SGCZ: variants seen among roughly 807,000 people sequenced by gnomAD.
SGCZ encodes zeta-sarcoglycan.
Under a neutral mutation model 41.3 loss-of-function variants are expected in SGCZ, and 40 were observed. That is an observed-to-expected ratio of 0.97 (90% CI 0.75 to 1.26). SGCZ has a LOEUF of 1.26. Ranked by LOEUF, SGCZ falls within the 50% of genes most tolerant of loss-of-function variation. The probability of loss-of-function intolerance (pLI) is 0.00; values close to 1 mark genes in which losing one functional copy is unlikely to be tolerated. For missense variants in SGCZ, 552 were observed against 369.8 expected, an observed-to-expected ratio of 1.49 and a Z score of -4.04; for synonymous variants, 206 against 137.5, an observed-to-expected ratio of 1.50 and a Z score of -3.49.
intron 1 of SGCZ, among the ~76,000 whole-genome samples, chr8:14,632,532 T>A (rs1428773066): frequency 6.6e-6 from 1 of 152,150 alleles, no homozygotes; most frequent in African/African-American, 2.4e-5. Context: ...GTGAAATGTG[T>A]ATCCCTACAT....
At chr8:14,381,777 C>A (rs1301626361) in intron 2 of SGCZ, among the ~76,000 whole-genome samples, 1 of 151,630 alleles carries the variant, frequency 6.6e-6, no homozygotes, top group African/African-American at 2.4e-5. Flanking sequence ...AAAAGCAAGA[C>A]CCTGTCTCAA....
At chr8:14,561,206 A>G (rs927362803) in intron 1 of SGCZ, among the ~76,000 whole-genome samples, 1 of 152,166 alleles carries the variant, frequency 6.6e-6, no homozygotes, top group East Asian at 1.9e-4. Context: ...TTAAATGTTT[A>G]ATATTGCCAT....
chr8:14,293,503 C>G (rs1053701029), intron 3 of SGCZ, among the ~76,000 whole-genome samples: 2 of 151,930 alleles, frequency 1.3e-5, no homozygotes, highest in African/African-American at 4.8e-5. Context: ...CATTCAGTTA[C>G]TTAGACTTTT....
intron 1 of SGCZ, among the ~76,000 whole-genome samples, chr8:15,031,950 TA>T (rs1334404118): frequency 6.6e-6 from 1 of 152,032 alleles, no homozygotes; most frequent in East Asian, 1.9e-4. Flanking sequence ...TCTGTCTGTC[TA>T]TATACTCCAT....
intron 1 of SGCZ, among the ~76,000 whole-genome samples, chr8:14,894,786 G>A (rs1052748839): frequency 4.6e-5 from 7 of 152,070 alleles, no homozygotes; most frequent in African/African-American, 1.4e-4. Context: ...ATAAATAAAT[G>A]AATATAAAAT....
intron 1 of SGCZ, among the ~76,000 whole-genome samples, chr8:14,571,277 C>G (rs1333876896): frequency 6.6e-6 from 1 of 152,210 alleles, no homozygotes; most frequent in Non-Finnish European, 1.5e-5. Context: ...CACCAGGTCA[C>G]TCCCTCGGCA....
chr8:14,915,058 G>C (rs1336486472), intron 1 of SGCZ, among the ~76,000 whole-genome samples: 2 of 152,110 alleles, frequency 1.3e-5, no homozygotes, highest in Admixed American at 6.6e-5. Flanking sequence ...TTTTCAGCTA[G>C]TAAAAGCTCT....
chr8:14,889,292 C>CA (rs200190975), intron 1 of SGCZ, among the ~76,000 whole-genome samples: 22,061 of 135,150 alleles, frequency 0.16, 1,855 homozygotes, highest in Admixed American at 0.25. Flanking sequence ...GAAGACTGAC[C>CA]AAAAAAAAAA....
intron 2 of SGCZ, among the ~76,000 whole-genome samples, chr8:14,474,440 T>A (rs749944329): frequency 3.9e-5 from 6 of 152,322 alleles, no homozygotes; most frequent in Admixed American, 1.3e-4. Flanking sequence ...CAGAAAGTGA[T>A]GCTAAAAATT....
At chr8:15,206,681 T>C (rs1389652277) in intron 1 of SGCZ, among the ~76,000 whole-genome samples, 4 of 152,040 alleles carry the variant, frequency 2.6e-5, no homozygotes, top group Non-Finnish European at 4.4e-5. Context: ...ACTCCTGACA[T>C]TGTGATCCAC....
intron 3 of SGCZ, among the ~76,000 whole-genome samples, chr8:14,241,489 A>T (rs185430161): frequency 6.7e-5 from 10 of 148,634 alleles, no homozygotes; most frequent in African/African-American, 2.4e-4. Context: ...AATATATAGC[A>T]TCTACATAAA....
At chr8:15,221,938 C>T (rs1486261443) in intron 1 of SGCZ, among the ~76,000 whole-genome samples, 2 of 152,312 alleles carry the variant, frequency 1.3e-5, no homozygotes, top group East Asian at 3.9e-4. Flanking sequence ...TTATCTCTGT[C>T]TGAGTCTTCA....
intron 3 of SGCZ, among the ~76,000 whole-genome samples, chr8:14,275,307 C>G (rs1800192745): frequency 6.6e-6 from 1 of 152,134 alleles, no homozygotes; most frequent in South Asian, 2.1e-4. Flanking sequence ...TTCCCTATCC[C>G]TTTTGATAAA....
intron 1 of SGCZ, among the ~76,000 whole-genome samples, chr8:14,562,383 A>T (rs189237778): frequency 1.3e-5 from 2 of 152,178 alleles, no homozygotes; most frequent in Admixed American, 6.5e-5. Flanking sequence ...CAATATGTGC[A>T]TAGAAAAATA....
intron 1 of SGCZ, among the ~76,000 whole-genome samples, chr8:15,233,461 T>A (rs991555362): frequency 3.9e-5 from 6 of 152,056 alleles, no homozygotes; most frequent in Admixed American, 1.3e-4. Context: ...ATCAATCTCT[T>A]GTTTAAATAC....
In SGCZ at chr8:14,356,809, G is replaced by C. The variant is rs182515271; in HGVS notation, c.235-32605C>G. Among the ~76,000 whole-genome samples the C allele has an allele frequency of 8.8e-3, 1,341 of 151,780 alleles. 13 individuals carry two copies. The highest frequency in any genetic ancestry group is 0.02 in the South Asian group (97 of 4,802). ...TACTAGGTAGGGCCAATAACCACTT[G>C]GTTTTTAATAAAAGTTAGCTACTTA... On this transcript the variant is annotated intron_variant, in intron 2 of 7. Transcript: ENST00000382080.
intron 1 of SGCZ, among the ~76,000 whole-genome samples, chr8:14,918,714 T>C (rs984832563): frequency 6.6e-6 from 1 of 152,220 alleles, no homozygotes; most frequent in Non-Finnish European, 1.5e-5. Context: ...TGGGGAAGTC[T>C]TCATTATTGT....
chr8:15,061,059 G>A (rs10100576), intron 1 of SGCZ, among the ~76,000 whole-genome samples: 1 of 151,862 alleles, frequency 6.6e-6, no homozygotes, highest in South Asian at 2.1e-4. Flanking sequence ...TGACCCAATC[G>A]TTGTTCCCTA....
intron 2 of SGCZ, among the ~76,000 whole-genome samples, chr8:14,406,683 G>A (rs1056105360): frequency 2.0e-5 from 3 of 150,044 alleles, no homozygotes; most frequent in African/African-American, 7.5e-5. Flanking sequence ...GTTTACCATT[G>A]CCAGGGCAAT....
Sources: allele counts gnomAD v4.1 joint callset (sites outside exome capture counted in the v4.1 genomes callset), GRCh38; gene constraint gnomAD v4.1.1; transcripts MANE v1.5; gene names NCBI Gene and HGNC (gene_info 2026-07-23, HGNC 2026-07-21).